The following PCDH11X variants were observed in gnomAD, a reference collection of about 807,000 sequenced individuals.
PCDH11X encodes protocadherin 11 X-linked, also known as protocadherin-11 X-linked.
PCDH11X carries 18 observed loss-of-function variants against 53.3 expected under a neutral mutation model. The ratio of observed to expected loss-of-function variants is 0.34; its 90% CI spans 0.23 to 0.50. The LOEUF (loss-of-function observed/expected upper bound fraction) is 0.50. PCDH11X is among the 20% of genes least tolerant of loss of function. The pLI is 0.98. For missense variants in PCDH11X, 570 were observed against 1,032.4 expected, an observed-to-expected ratio of 0.55 and a Z score of 6.14; for synonymous variants, 279 against 393.3, an observed-to-expected ratio of 0.71 and a Z score of 3.44.
At chrX:92,458,434 G>A (rs1027268376) in intron 9 of PCDH11X, among the ~76,000 whole-genome samples, 8 of 106,391 alleles carry the variant, frequency 7.5e-5, no homozygotes, top group African/African-American at 2.7e-4. Context: ...CTGTTAACTA[G>A]AGTCACCCTA....
intron 8 of PCDH11X, among the ~76,000 whole-genome samples, chrX:92,280,642 T>C (rs2068230301): frequency 9.0e-6 from 1 of 111,170 alleles, no homozygotes. Flanking sequence ...TCAGTTAAAC[T>C]GGAGAATTAT....
intron 8 of PCDH11X, among the ~76,000 whole-genome samples, chrX:92,270,073 C>T (rs1418302391): frequency 3.7e-5 from 4 of 109,108 alleles, no homozygotes; most frequent in Non-Finnish European, 7.6e-5. Context: ...TCATTAAGTA[C>T]ATATTCCTTC....
chrX:92,274,797 G>T (rs1013044242), intron 8 of PCDH11X, among the ~76,000 whole-genome samples: 1 of 110,813 alleles, frequency 9.0e-6, no homozygotes, highest in Non-Finnish European at 1.9e-5. Context: ...GGTGTGTGGC[G>T]ATAAGGCCTG....
intron 8 of PCDH11X, among the ~76,000 whole-genome samples, chrX:92,358,615 G>A (rs1165070865): frequency 9.8e-6 from 1 of 102,281 alleles, no homozygotes; most frequent in African/African-American, 3.6e-5. Flanking sequence ...TTTGTACTGT[G>A]ACTTAAATTA....
chrX:92,466,531 T>G (rs1262673993), intron 9 of PCDH11X, among the ~76,000 whole-genome samples: 2 of 109,989 alleles, frequency 1.8e-5, no homozygotes. Flanking sequence ...ATGTGATGAA[T>G]TCGAGAAATT....
intron 1 of PCDH11X, among the ~76,000 whole-genome samples, chrX:91,793,466 T>A (rs1488584384): frequency 9.0e-6 from 1 of 110,604 alleles, no homozygotes; most frequent in Non-Finnish European, 1.9e-5. Context: ...ATCCCTGGCT[T>A]TAGTAATTTA....
chrX:91,944,129 T>C (rs1395621492), intron 6 of PCDH11X, among the ~76,000 whole-genome samples: 4 of 89,874 alleles, frequency 4.5e-5, no homozygotes, highest in Non-Finnish European at 8.7e-5. Flanking sequence ...CTAGATTTCC[T>C]TGATCACATT....
chrX:92,358,769 G>C (rs1181348091), intron 8 of PCDH11X, among the ~76,000 whole-genome samples: 1 of 105,859 alleles, frequency 9.4e-6, no homozygotes, highest in Non-Finnish European at 1.9e-5. Flanking sequence ...ACCTCTGTTA[G>C]TTTCTTTTAT....
At chrX:92,037,705 A>G (rs2063147853) in intron 6 of PCDH11X, among the ~76,000 whole-genome samples, 1 of 110,310 alleles carries the variant, frequency 9.1e-6, no homozygotes, top group South Asian at 3.9e-4. Flanking sequence ...TACAGCATCT[A>G]TTGTTTCTTG....
At chrX:91,783,114 C>G (rs1398628825) in intron 1 of PCDH11X, among the ~76,000 whole-genome samples, 12 of 112,105 alleles carry the variant, frequency 1.1e-4, no homozygotes, top group Non-Finnish European at 1.5e-4. Flanking sequence ...CAAAGAATTA[C>G]TCTGTTTTGT....
Position 92,415,862 on chromosome X carries a change from G to A in PCDH11X, c.3343+27929G>A, listed in dbSNP as rs188557994. On this transcript the variant is annotated intron_variant, in intron 9 of 10. Coordinates refer to ENST00000682573, the MANE Select transcript of PCDH11X (RefSeq NM_032968.5). ...TTGTGAATACCACAAATAAAATATT[G>A]GCATTCTATAATTCTTTTAAATTAA... 9.2e-3 allele frequency among the ~76,000 whole-genome samples: 1,016 copies of A among 111,016 alleles called. 9 individuals are homozygous for A. The highest frequency in any genetic ancestry group is 0.015 in the Non-Finnish European group (808 of 52,736).
intron 6 of PCDH11X, among the ~76,000 whole-genome samples, chrX:92,096,558 G>T (rs1569352380): frequency 9.1e-6 from 1 of 109,368 alleles, no homozygotes; most frequent in Non-Finnish European, 1.9e-5. Context: ...ATACCTTTAT[G>T]TCTGGGTAAT....
chrX:92,262,888 A>C, intron 7 of PCDH11X: 1 of 302,881 alleles, frequency 3.3e-6, no homozygotes. Flanking sequence ...ATTTTTGCAC[A>C]AGATTTACAA....
At chrX:92,283,111 A>G (rs1047075863) in intron 8 of PCDH11X, among the ~76,000 whole-genome samples, 2 of 111,428 alleles carry the variant, frequency 1.8e-5, no homozygotes, top group Non-Finnish European at 3.8e-5. Flanking sequence ...AGATAAAGCA[A>G]TAAACATTCC....
chrX:91,824,671 A>G (rs1035602305), intron 4 of PCDH11X, among the ~76,000 whole-genome samples: 48 of 104,045 alleles, frequency 4.6e-4, no homozygotes, highest in Non-Finnish European at 8.0e-4. Context: ...ATCTTCTCTC[A>G]GCTCGTCAAA....
chrX:92,074,030 C>T (rs907298148), intron 6 of PCDH11X, among the ~76,000 whole-genome samples: 1 of 111,703 alleles, frequency 9.0e-6, no homozygotes, highest in Admixed American at 9.5e-5. Context: ...GAATCATTTA[C>T]ACGTGGTCAT....
chrX:91,893,832 C>CTA (rs755901732), intron 6 of PCDH11X, among the ~76,000 whole-genome samples: 358 of 110,905 alleles, frequency 3.2e-3, no homozygotes, highest in African/African-American at 0.011. Flanking sequence ...TCAAAACTGA[C>CTA]TATATATATA....
At chrX:92,434,018 C>T (rs1480802732) in intron 9 of PCDH11X, among the ~76,000 whole-genome samples, 2 of 110,626 alleles carry the variant, frequency 1.8e-5, no homozygotes, top group African/African-American at 6.6e-5. Flanking sequence ...GGGATTATTA[C>T]AATTCAAGGT....
chrX:91,887,725 T>A (rs905538940), intron 6 of PCDH11X, among the ~76,000 whole-genome samples: 51 of 111,572 alleles, frequency 4.6e-4, no homozygotes, highest in Non-Finnish European at 5.5e-4. Flanking sequence ...TTATGCTTAT[T>A]GTTTTATAAA....
Sources: allele counts gnomAD v4.1 joint callset (sites outside exome capture counted in the v4.1 genomes callset), GRCh38; gene constraint gnomAD v4.1.1; transcripts MANE v1.5; gene names NCBI Gene and HGNC (gene_info 2026-07-23, HGNC 2026-07-21).